Variants in FAM171B observed in about 807,000 individuals in gnomAD.
The protein encoded by FAM171B is protein FAM171B.
FAM171B carries 19 observed loss-of-function variants against 75.6 expected under a neutral mutation model. The ratio of observed to expected loss-of-function variants is 0.25; its 90% CI spans 0.18 to 0.37. The LOEUF (loss-of-function observed/expected upper bound fraction) is 0.37, where lower values mean the gene tolerates loss of function less well. Ranked by LOEUF, FAM171B falls within the 10% of genes least tolerant of loss-of-function variation. FAM171B has a pLI of 1.00. For synonymous variants in FAM171B, 367 were observed against 361.7 expected, an observed-to-expected ratio of 1.01 and a Z score of -0.17; for missense variants, 848 against 982.4, an observed-to-expected ratio of 0.86 and a Z score of 1.83.
At chr2:186,730,136 T>G (rs567837013) in intron 1 of FAM171B, among the ~76,000 whole-genome samples, 1 of 152,188 alleles carries the variant, frequency 6.6e-6, no homozygotes, top group Non-Finnish European at 1.5e-5. Context: ...AATTTTTGTA[T>G]TTTTAATAGA....
At chr2:186,728,423 A>G (rs1190391125) in intron 1 of FAM171B, among the ~76,000 whole-genome samples, 1 of 152,088 alleles carries the variant, frequency 6.6e-6, no homozygotes, top group Admixed American at 6.6e-5. Context: ...TGTATCCCCA[A>G]TCCCCATCTC....
At chr2:186,695,142 G>A (rs1689560450) in intron 1 of FAM171B, 1 of 152,228 alleles carries the variant, frequency 6.6e-6, no homozygotes, top group Non-Finnish European at 1.5e-5. Flanking sequence ...TCCCTAGAGA[G>A]AGAAATCTCC....
At chr2:186,744,060 T>G (rs1457797070) in intron 3 of FAM171B, among the ~76,000 whole-genome samples, 2 of 152,132 alleles carry the variant, frequency 1.3e-5, no homozygotes, top group African/African-American at 4.8e-5. Context: ...AGTGCAGAAA[T>G]CATGTTTTGG....
Position 186,694,291 on chromosome 2 carries a change from A to G in FAM171B, c.118A>G (p.Ser40Gly). The change falls in exon 1 of 8, where the codon AGC becomes GGC. Residue 40 changes from serine (S) to glycine (G), a missense_variant. By Grantham distance (56) the Ser-to-Gly change is moderately conservative. Around this residue, in one of 3 missense-constraint regions of FAM171B, gnomAD observed 665 missense variants for 729.0 expected, o/e 0.91. Transcript: ENST00000304698. ...ARAELSRSDLSLIQQQQQQQQ... is the reference protein window; with the variant it reads ...ARAELSRSDLGLIQQQQQQQQ... Reference sequence around the variant, plus strand: ...AGCGGAACTCAGCCGCTCCGACCTCAGCCTCATCCAACAGCAGCAGCAGCA... The same window carrying G: ...AGCGGAACTCAGCCGCTCCGACCTCGGCCTCATCCAACAGCAGCAGCAGCA... 6.2e-7 allele frequency: 1 copy of G among 1,606,176 alleles called. No individual in the cohort carries two copies. The highest frequency in any genetic ancestry group is 8.5e-7 in the Non-Finnish European group (1 of 1,178,154).
intron 1 of FAM171B, among the ~76,000 whole-genome samples, chr2:186,707,244 C>T (rs1037709272): frequency 1.3e-5 from 2 of 152,294 alleles, no homozygotes; most frequent in East Asian, 1.9e-4. Context: ...CAATAAAGTG[C>T]TCCAGCAGCC....
intron 1 of FAM171B, among the ~76,000 whole-genome samples, chr2:186,720,711 A>AG (rs1559084359): frequency 7.0e-6 from 1 of 141,946 alleles, no homozygotes; most frequent in Non-Finnish European, 1.6e-5. Context: ...AAAAAAAAAA[A>AG]AAAAAGAAAA....
At position 186,762,790 on chromosome 2, in the gene FAM171B, G is replaced by T. The variant is rs747595051; in HGVS notation, c.2448G>T (p.Lys816Asn). ...KRDSKTNIWK[K>N]REERPLIPIN ...ATAGCAAGACTAACATCTGGAAGAAGCGAGAGGAACGCCCACTGATTCCCA... is the reference window on the plus strand; with the variant it reads ...ATAGCAAGACTAACATCTGGAAGAATCGAGAGGAACGCCCACTGATTCCCA... Residue 816 changes from lysine to asparagine, a missense_variant, in exon 8 of 8, where the codon AAG becomes AAT. Lys to Asn is a moderately conservative substitution (Grantham distance 94). This residue lies in a region of FAM171B where 136 missense variants were observed against 159.3 expected (regional missense o/e 0.85). Coordinates refer to ENST00000304698, the MANE Select transcript of FAM171B (RefSeq NM_177454.4). This position sits in a 1 kb window ranked among gnomAD's most constrained non-coding sequence, Gnocchi z 4.0. 3 of 1,612,764 alleles carry T rather than the reference G, an allele frequency of 1.9e-6. No homozygotes were observed. The highest frequency in any genetic ancestry group is 2.5e-6 in the Non-Finnish European group (3 of 1,179,364).
chr2:186,700,170 G>A (rs1044166024), intron 1 of FAM171B, among the ~76,000 whole-genome samples: 2 of 151,420 alleles, frequency 1.3e-5, no homozygotes, highest in Admixed American at 6.6e-5. Context: ...TGTGAAGTAT[G>A]CCATTGGTAT....
At chr2:186,725,269 G>A (rs919410496) in intron 1 of FAM171B, among the ~76,000 whole-genome samples, 11 of 151,834 alleles carry the variant, frequency 7.2e-5, no homozygotes, top group African/African-American at 2.4e-4. Context: ...GTGTTAACCC[G>A]GGAGGCGGAG....
At chr2:186,759,017 T>C (rs1459371788) in intron 6 of FAM171B, among the ~76,000 whole-genome samples, 2 of 152,082 alleles carry the variant, frequency 1.3e-5, no homozygotes, top group African/African-American at 2.4e-5. Context: ...GTTTCAATGT[T>C]TAGCTCCCAC....
rs1029549811 is a variant in FAM171B, at chr2:186,746,433, G to T, written c.566-659G>T. Among the ~76,000 whole-genome samples the T allele has an allele frequency of 2.0e-5, 3 of 152,112 alleles. No homozygotes were observed. In the East Asian group the frequency reaches 5.8e-4, roughly 29 times the overall value. ...CTAATCTGGCTTAAGCCCAAAATAA[G>T]CATTTATTTATTTCTCTTATAGATG... On this transcript the variant is annotated intron_variant, in intron 3 of 7. Transcript: ENST00000304698.
chr2:186,734,931 C>T (rs1690176404), intron 1 of FAM171B, among the ~76,000 whole-genome samples: 1 of 152,200 alleles, frequency 6.6e-6, no homozygotes. Context: ...AGGGCTGGCA[C>T]CGGGAGCAGG....
chr2:186,752,705 C>T (rs1690474577), intron 5 of FAM171B, among the ~76,000 whole-genome samples: 1 of 152,160 alleles, frequency 6.6e-6, no homozygotes, highest in African/African-American at 2.4e-5. Flanking sequence ...ACTGATGTAA[C>T]ACTTGTGGAC....
intron 2 of FAM171B, 54 bp downstream of exon 2, chr2:186,740,515 A>G: frequency 7.0e-7 from 1 of 1,428,216 alleles, no homozygotes. Context: ...TAAATGAATT[A>G]TTTTCTCTGT....
At chr2:186,737,391 G>A (rs888554889) in intron 1 of FAM171B, among the ~76,000 whole-genome samples, 2 of 152,150 alleles carry the variant, frequency 1.3e-5, no homozygotes, top group Non-Finnish European at 2.9e-5. Flanking sequence ...GGGTCATGCT[G>A]TGTTGCCCAG....
chr2:186,694,499 T>C, intron 1 of FAM171B, 88 bp downstream of exon 1: 1 of 1,455,790 alleles, frequency 6.9e-7, no homozygotes, highest in Non-Finnish European at 9.2e-7. Flanking sequence ...TCCCTATCCA[T>C]TCCTATCCTC....
rs747078768 is a variant in FAM171B at position 186,761,811 on chromosome 2, G to T, written c.1469G>T (p.Gly490Val). The T allele has an allele frequency of 4.5e-5, 73 of 1,612,944 alleles. No homozygotes were observed. Among genetic ancestry groups the T allele is most frequent in the Non-Finnish European group, 5.8e-5 (68 of 1,179,752 alleles). ...ACACAGTCTTTGGAGCCCAATGTAG[G>T]GTCCAAACAACCTAAACATATTAAC... ...NPTQSLEPNV[G>V]SKQPKHINNN... The change falls in exon 8 of 8, where the codon GGG (glycine) becomes GTG (valine). Residue 490 changes from glycine to valine, a missense_variant. By Grantham distance (109) the Gly-to-Val change is moderately radical (BLOSUM62 -3). Coordinates refer to ENST00000304698, the MANE Select transcript of FAM171B (RefSeq NM_177454.4).
chr2:186,738,628 G>A (rs1259410235), intron 1 of FAM171B, among the ~76,000 whole-genome samples: 2 of 152,118 alleles, frequency 1.3e-5, no homozygotes, highest in African/African-American at 4.8e-5. Context: ...TAGGTTTCAG[G>A]CTTTCTTTGG....
rs145285890 is a variant in FAM171B at position 186,761,912 on chromosome 2, C to T, written c.1570C>T (p.Arg524Cys). 2.9e-5 allele frequency: 47 copies of T among 1,612,922 alleles called. No homozygotes were observed. Among genetic ancestry groups the T allele is most frequent in the South Asian group, 5.5e-5 (5 of 91,056 alleles). Residue 524 changes from arginine to cysteine, a missense_variant, in exon 8 of 8, where the codon CGT (arginine) becomes TGT (cysteine). Physicochemically the swap from Arg to Cys is radical, Grantham distance 180 (BLOSUM62 -3). This residue lies in a region of FAM171B where 665 missense variants were observed against 729.0 expected (regional missense o/e 0.91). Coordinates refer to ENST00000304698, the MANE Select transcript of FAM171B (RefSeq NM_177454.4). ...CACAGGTAATGAGGAGGCGTATGGG[C>T]GTTCCCATATTCCTGAACAGCTTAT... ...YLTGNEEAYG[R>C]SHIPEQLMHI...
Sources: allele counts gnomAD v4.1 joint callset (sites outside exome capture counted in the v4.1 genomes callset), GRCh38; gene constraint gnomAD v4.1.1; regional missense constraint gnomAD v4.1.1; non-coding constraint Gnocchi (gnomAD v3.1); transcripts MANE v1.5; gene names NCBI Gene and HGNC (gene_info 2026-07-23, HGNC 2026-07-21).